The following MMP26 variants were observed in gnomAD, a reference collection of about 807,000 sequenced individuals.
MMP26 encodes matrix metallopeptidase 26.
MMP26 carries 33 observed loss-of-function variants against 31.0 expected under a neutral mutation model. The ratio of observed to expected loss-of-function variants is 1.06; its 90% CI spans 0.81 to 1.42. The LOEUF (loss-of-function observed/expected upper bound fraction) is 1.42, where lower values mean the gene tolerates loss of function less well. MMP26 is among the 40% of genes most tolerant of loss of function. The pLI, the probability that MMP26 is intolerant of heterozygous loss-of-function variation, is 0.00. For missense variants in MMP26, 347 were observed against 316.1 expected, an observed-to-expected ratio of 1.10 and a Z score of -0.74; for synonymous variants, 122 against 114.9, an observed-to-expected ratio of 1.06 and a Z score of -0.40.
At position 4,804,222 on chromosome 11, in the gene MMP26, T is replaced by C. The variant is rs778854063; in HGVS notation, c.-145+36881T>C. 4 of 1,613,972 alleles carry C rather than the reference T, an allele frequency of 2.5e-6. No homozygotes were observed. The Admixed American group carries it at 5.0e-5, about 20-fold the overall frequency. Reference sequence around the variant, plus strand: ...TGGGCTCATGCAGGGTGTGGTCAATTCTGATTACATGGAGGAGAGTGATAT... The same window carrying C: ...TGGGCTCATGCAGGGTGTGGTCAATCCTGATTACATGGAGGAGAGTGATAT... On this transcript the variant is annotated intron_variant, in intron 2 of 7. Transcript: ENST00000380390.
intron 2 of MMP26, chr11:4,915,349 C>A (rs1490617637): frequency 1.2e-5 from 20 of 1,613,804 alleles, no homozygotes; most frequent in Non-Finnish European, 1.7e-5. Context: ...TGAAAAAGAG[C>A]TGAGCAAAGC....
rs561916934 is a variant in MMP26, at chr11:4,868,823, G to C, written c.-145+101482G>C. On this transcript the variant is annotated intron_variant, in intron 2 of 7. Transcript: ENST00000380390. ...CGCTACCTGACTTCAAACTATATTA[G>C]AAGGCTACAGTAACCAGAAGAGCAT... 2.6e-5 allele frequency among the ~76,000 whole-genome samples: 4 copies of C among 152,188 alleles called. No homozygotes were observed. The South Asian group carries it at 6.2e-4, about 24-fold the overall frequency.
chr11:4,892,721 G>A (rs1850644054), intron 2 of MMP26, among the ~76,000 whole-genome samples: 1 of 152,086 alleles, frequency 6.6e-6, no homozygotes, highest in Middle Eastern at 3.2e-3. Flanking sequence ...ATTTCTATAT[G>A]AGGATGTTCT....
chr11:4,714,406 G>T lies in MMP26; in HGVS notation c.-217+9361G>T, dbSNP rs190219967. Reference sequence around the variant, plus strand: ...GTTAGTTGTGTCACATTTTATAACTGCCACTGAAGGTCCTAAAGTCAACAG... The same window carrying T: ...GTTAGTTGTGTCACATTTTATAACTTCCACTGAAGGTCCTAAAGTCAACAG... On this transcript the variant is annotated intron_variant, in intron 1 of 7. Coordinates refer to ENST00000380390, the MANE Select transcript of MMP26 (RefSeq NM_021801.5). 9.2e-5 allele frequency among the ~76,000 whole-genome samples: 14 copies of T among 152,232 alleles called. 1 individual carries two copies. Among genetic ancestry groups the T allele is most frequent in the African/African-American group, 2.9e-4 (12 of 41,542 alleles).
At chr11:4,708,978 C>T (rs933667855) in intron 1 of MMP26, among the ~76,000 whole-genome samples, 5 of 152,070 alleles carry the variant, frequency 3.3e-5, no homozygotes, top group Non-Finnish European at 7.4e-5. Context: ...TTAATTGTTT[C>T]TTTCCTGGTA....
At chr11:4,944,622 G>T (rs553554902) in intron 2 of MMP26, 6 of 152,132 alleles carry the variant, frequency 3.9e-5, no homozygotes, top group African/African-American at 1.4e-4. Flanking sequence ...GAACTGACGT[G>T]GTTGATAAAA....
rs182784074 is a variant in MMP26, at chr11:4,826,975, T to A, written c.-145+59634T>A. Among the ~76,000 whole-genome samples the A allele has an allele frequency of 7.9e-5, 12 of 152,226 alleles. No homozygotes were observed. The East Asian group carries it at 1.7e-3, about 22-fold the overall frequency. Reference sequence around the variant, plus strand: ...TCATGAATCCTTAATTTCCCCCTATTTCTGGGTTGTACATGCATGGATACC... The same window carrying A: ...TCATGAATCCTTAATTTCCCCCTATATCTGGGTTGTACATGCATGGATACC... On this transcript the variant is annotated intron_variant, in intron 2 of 7. Coordinates refer to ENST00000380390, the MANE Select transcript of MMP26 (RefSeq NM_021801.5).
chr11:4,723,101 C>T (rs765703535), intron 1 of MMP26: 21 of 1,505,100 alleles, frequency 1.4e-5, no homozygotes, highest in Non-Finnish European at 1.9e-5. Flanking sequence ...CTGCTTGGCC[C>T]GCTGCAGGGC....
chr11:4,771,612 A>G (rs1564906083), intron 2 of MMP26, among the ~76,000 whole-genome samples: 1 of 152,226 alleles, frequency 6.6e-6, no homozygotes, highest in South Asian at 2.1e-4. Flanking sequence ...ATTAAATAAT[A>G]GCAGTATTCA....
intron 2 of MMP26, among the ~76,000 whole-genome samples, chr11:4,878,331 A>G (rs1304605364): frequency 3.3e-5 from 5 of 152,178 alleles, no homozygotes; most frequent in Non-Finnish European, 7.3e-5. Context: ...AGTGATGAAC[A>G]TAGAACATTT....
At chr11:4,907,417 G>T (rs1351411365) in intron 2 of MMP26, 1 of 1,613,704 alleles carries the variant, frequency 6.2e-7, no homozygotes, top group African/African-American at 1.3e-5. Flanking sequence ...TTCTGATTGG[G>T]ATCCCAGGAC....
At chr11:4,972,116 A>G (rs1243853784) in intron 2 of MMP26, among the ~76,000 whole-genome samples, 1 of 152,228 alleles carries the variant, frequency 6.6e-6, no homozygotes, top group Non-Finnish European at 1.5e-5. Flanking sequence ...ATTATCACAT[A>G]TCAAGTGGGA....
rs143368632 is a variant in MMP26 at position 4,838,726 on chromosome 11, G to A, written c.-145+71385G>A. On this transcript the variant is annotated intron_variant, in intron 2 of 7. Coordinates refer to ENST00000380390, the MANE Select transcript of MMP26 (RefSeq NM_021801.5). ...GCAGAAAGGCATATAGAAAGTTATC[G>A]AGATTCAGAGGGCAGGGACAGAACA... Among the ~76,000 whole-genome samples, 487 of 152,198 alleles carry A rather than the reference G, an allele frequency of 3.2e-3. 4 individuals are homozygous for A. The highest frequency in any genetic ancestry group is 0.014 in the Middle Eastern group (4 of 294).
At chr11:4,779,460 T>C (rs1023072689) in intron 2 of MMP26, among the ~76,000 whole-genome samples, 5 of 152,080 alleles carry the variant, frequency 3.3e-5, no homozygotes, top group African/African-American at 1.2e-4. Context: ...TCTTGTTTTG[T>C]AATGCCCTTT....
rs185856735 is a variant in MMP26 at position 4,828,651 on chromosome 11, G to C, written c.-145+61310G>C. Among the ~76,000 whole-genome samples the C allele has an allele frequency of 3.7e-3, 559 of 152,228 alleles. 4 individuals carry two copies. Among genetic ancestry groups the C allele is most frequent in the African/African-American group, 0.011 (446 of 41,540 alleles). ...GATTAAAGTTTGAATGAACACAACC[G>C]TTTAGGGTTATCTTCTCTAATTAGG... On this transcript the variant is annotated intron_variant, in intron 2 of 7. Transcript: ENST00000380390.
chr11:4,912,536 A>G (rs1851006958), intron 2 of MMP26: 1 of 152,186 alleles, frequency 6.6e-6, no homozygotes, highest in Non-Finnish European at 1.5e-5. Context: ...CATACCACTC[A>G]TGACACTCAC....
intron 2 of MMP26, chr11:4,871,726 T>A (rs1850313029): frequency 6.6e-6 from 1 of 152,174 alleles, no homozygotes; most frequent in Admixed American, 6.6e-5. Context: ...TCTTGTCTCC[T>A]AGACCATACT....
At chr11:4,968,550 T>A (rs1846626040) in intron 2 of MMP26, among the ~76,000 whole-genome samples, 1 of 151,842 alleles carries the variant, frequency 6.6e-6, no homozygotes, top group African/African-American at 2.4e-5. Flanking sequence ...CTTAAAATAA[T>A]CTCTTAAATA....
chr11:4,982,522 T>C (rs1846828996), intron 2 of MMP26, among the ~76,000 whole-genome samples: 1 of 152,186 alleles, frequency 6.6e-6, no homozygotes, highest in African/African-American at 2.4e-5. Flanking sequence ...GACAAATTAC[T>C]CAACTCCCTG....
Sources: gnomAD v4.1 joint callset for allele counts (sites outside exome capture counted in the v4.1 genomes callset) on GRCh38, gnomAD v4.1.1 for gene constraint, MANE v1.5 for transcripts, NCBI Gene and HGNC (gene_info 2026-07-23, HGNC 2026-07-21) for gene names.